The following PCDHA9 variants were observed in gnomAD, a reference collection of about 807,000 sequenced individuals.
The protein encoded by PCDHA9 is protocadherin alpha 9, also known as protocadherin alpha-9.
PCDHA9 carries 62 observed loss-of-function variants against 62.0 expected under a neutral mutation model. The observed-to-expected ratio is 1.00, with a 90% CI of 0.81 to 1.23. The LOEUF (loss-of-function observed/expected upper bound fraction) is 1.23, where lower values mean the gene tolerates loss of function less well. Ranked by LOEUF, PCDHA9 falls within the 50% of genes most tolerant of loss-of-function variation. The pLI is 0.00. For missense variants in PCDHA9, 1,205 were observed against 1,249.8 expected, an observed-to-expected ratio of 0.96 and a Z score of 0.54; for synonymous variants, 557 against 567.6, an observed-to-expected ratio of 0.98 and a Z score of 0.27.
chr5:140,907,066 G>A (rs748785005), intron 1 of PCDHA9, among the ~76,000 whole-genome samples: 6 of 152,096 alleles, frequency 3.9e-5, no homozygotes, highest in Non-Finnish European at 8.8e-5. Context: ...TTTACTAGTG[G>A]GTCACTAGGG....
chr5:140,886,689 G>T (rs1267444522), intron 1 of PCDHA9, among the ~76,000 whole-genome samples: 1 of 152,022 alleles, frequency 6.6e-6, no homozygotes, highest in Admixed American at 6.5e-5. Context: ...AGCGAGGCAT[G>T]GTGGCACGCG....
chr5:140,983,588 C>G (rs530448589), intron 3 of PCDHA9, among the ~76,000 whole-genome samples: 1 of 152,152 alleles, frequency 6.6e-6, no homozygotes, highest in African/African-American at 2.4e-5. Context: ...TACATCTATT[C>G]TACATATGAG....
At chr5:141,007,318 A>C (rs2098314985) in intron 3 of PCDHA9, among the ~76,000 whole-genome samples, 1 of 151,736 alleles carries the variant, frequency 6.6e-6, no homozygotes, top group South Asian at 2.1e-4. Flanking sequence ...TGGGAGGCTA[A>C]AGTGGACAGA....
rs371505360 is a variant in PCDHA9, at chr5:140,882,840, C to T, written c.2394+31951C>T. 3.2e-5 allele frequency: 51 copies of T among 1,614,214 alleles called. 1 individual carries two copies. The African/African-American group carries it at 5.6e-4, about 18-fold the overall frequency. ...CAAAACAGTCTTGAGCAAATGTCTTCATTATCACTTGTACTGAGGAAAACA... is the reference window on the plus strand; with the variant it reads ...CAAAACAGTCTTGAGCAAATGTCTTTATTATCACTTGTACTGAGGAAAACA... On this transcript the variant is annotated intron_variant, in intron 1 of 3. Transcript: ENST00000532602.
intron 1 of PCDHA9, 34 bp from the exon 2 acceptor site, chr5:140,978,915 A>G: frequency 6.2e-7 from 1 of 1,613,970 alleles, no homozygotes; most frequent in Non-Finnish European, 8.5e-7. Context: ...TTGTCTTGTC[A>G]TTTTAACAGA....
At chr5:140,884,732 A>G in intron 1 of PCDHA9, 2 of 1,448,046 alleles carry the variant, frequency 1.4e-6, no homozygotes, top group South Asian at 1.6e-5. Flanking sequence ...TGTTTAAGAC[A>G]TCTTTCCTGC....
At chr5:140,861,386 G>A in intron 1 of PCDHA9, 1 of 440,552 alleles carries the variant, frequency 2.3e-6, no homozygotes, top group Non-Finnish European at 4.6e-6. Context: ...CGCAGGACCT[G>A]GGTCTGGAGC....
chr5:140,854,159 CAAAA>C (rs59855104), intron 1 of PCDHA9: 81 of 341,326 alleles, frequency 2.4e-4, no homozygotes, highest in Middle Eastern at 1.4e-3. Flanking sequence ...GATTCTGTCT[CAAAA>C]AAAAAAAAAA....
chr5:140,861,636 CA>C, intron 1 of PCDHA9: 1 of 303,242 alleles, frequency 3.3e-6, no homozygotes. Flanking sequence ...CTCAGCAACA[CA>C]AAAGAATCTG....
At chr5:140,882,988 G>A (rs782434208) in intron 1 of PCDHA9, 4 of 1,614,080 alleles carry the variant, frequency 2.5e-6, no homozygotes, top group Non-Finnish European at 3.4e-6. Context: ...ACAACGCCCC[G>A]GAATTTTACC....
chr5:140,851,814 CAG>C, intron 1 of PCDHA9: 1 of 954,570 alleles, frequency 1.0e-6, no homozygotes, highest in Non-Finnish European at 1.3e-6. Flanking sequence ...ATCCATAAGA[CAG>C]AAATCTGTTT....
At chr5:140,947,854 A>G (rs2094183959) in intron 1 of PCDHA9, among the ~76,000 whole-genome samples, 1 of 151,504 alleles carries the variant, frequency 6.6e-6, no homozygotes, top group Non-Finnish European at 1.5e-5. Context: ...TTATTTTGTC[A>G]TTATAATGGC....
chr5:140,951,141 T>G (rs2094552248), intron 1 of PCDHA9, among the ~76,000 whole-genome samples: 1 of 100,612 alleles, frequency 9.9e-6, no homozygotes, highest in Non-Finnish European at 2.0e-5. Context: ...TTCCTTTATC[T>G]TATTGAATAT....
chr5:140,982,128 A>G (rs2153827578), intron 2 of PCDHA9, among the ~76,000 whole-genome samples: 1 of 152,384 alleles, frequency 6.6e-6, no homozygotes, highest in South Asian at 2.1e-4. Flanking sequence ...TTTTGAGAAC[A>G]AGCCCTCCTC....
chr5:140,855,819 C>T, intron 1 of PCDHA9: 1 of 524,234 alleles, frequency 1.9e-6, no homozygotes, highest in Non-Finnish European at 3.4e-6. Flanking sequence ...AAGTTGTGAA[C>T]TCATGGAATC....
At chr5:140,985,607 C>T (rs1554247195) in intron 3 of PCDHA9, among the ~76,000 whole-genome samples, 1 of 152,156 alleles carries the variant, frequency 6.6e-6, no homozygotes, top group Non-Finnish European at 1.5e-5. Flanking sequence ...GAGCCCTTTC[C>T]GTGAACCAGC....
intron 2 of PCDHA9, 26 bp downstream of exon 2, chr5:140,979,033 C>G: frequency 6.2e-7 from 1 of 1,613,044 alleles, no homozygotes; most frequent in Admixed American, 1.7e-5. Flanking sequence ...CTCATTCACT[C>G]AGAAGTAACC....
In PCDHA9 at chr5:140,927,516, C is replaced by T. The variant is rs782661477; in HGVS notation, c.2395-51433C>T. 3.1e-6 allele frequency: 5 copies of T among 1,613,948 alleles called. No homozygotes were observed. The South Asian group carries it at 4.4e-5, about 14-fold the overall frequency. Reference sequence around the variant, plus strand: ...TGCTGGTGCTTACAGCTCGGGACGGCGGGCTACCTGCCCGCTCAGGAGACG... The same window carrying T: ...TGCTGGTGCTTACAGCTCGGGACGGTGGGCTACCTGCCCGCTCAGGAGACG... On this transcript the variant is annotated intron_variant, in intron 1 of 3. Transcript: ENST00000532602.
chr5:140,900,566 G>A (rs1554189260), intron 1 of PCDHA9, among the ~76,000 whole-genome samples: 1 of 152,054 alleles, frequency 6.6e-6, no homozygotes, highest in Non-Finnish European at 1.5e-5. Flanking sequence ...CGTGAGCCAC[G>A]GCACCGGCCC....
Sources: gnomAD v4.1 joint callset for allele counts (sites outside exome capture counted in the v4.1 genomes callset) on GRCh38, gnomAD v4.1.1 for gene constraint, MANE v1.5 for transcripts, NCBI Gene and HGNC (gene_info 2026-07-23, HGNC 2026-07-21) for gene names.